ERI1: variants seen among roughly 807,000 people sequenced by gnomAD.
ERI1 encodes exoribonuclease 1, also known as 3'-5' exoribonuclease 1.
Under a neutral mutation model 39.7 loss-of-function variants are expected in ERI1, and 39 were observed. The observed-to-expected ratio is 0.98, with a 90% CI of 0.76 to 1.28. ERI1 has a LOEUF of 1.28. ERI1 is among the 50% of genes most tolerant of loss of function. The pLI is 0.00. For synonymous variants in ERI1, 204 were observed against 149.6 expected (o/e 1.36, Z -2.65); for missense variants, 581 against 416.9 (o/e 1.39, Z -3.43).
In ERI1 at chr8:9,029,494, A is replaced by G. The variant is rs997729438; in HGVS notation, c.808-298A>G. On this transcript the variant is annotated intron_variant, in intron 6 of 6. Transcript: ENST00000250263. Reference sequence around the variant, plus strand: ...CAGATGTGCACCACCACGCCTGGCTAATTTTTTTGTATTTTAAGAAGAGAT... The same window carrying G: ...CAGATGTGCACCACCACGCCTGGCTGATTTTTTTGTATTTTAAGAAGAGAT... Among the ~76,000 whole-genome samples the G allele has an allele frequency of 5.3e-5, 8 of 151,890 alleles. 1 individual carries two copies.
chr8:9,003,600 C>A (rs767026072), intron 1 of ERI1, among the ~76,000 whole-genome samples: 56 of 152,228 alleles, frequency 3.7e-4, no homozygotes, highest in South Asian at 1.2e-3. Flanking sequence ...CACTCACCAG[C>A]ATCCCTGTCT....
chr8:9,035,300 C>A (rs55634245), downstream of ERI1, among the ~76,000 whole-genome samples: 2 of 152,128 alleles, frequency 1.3e-5, no homozygotes, highest in African/African-American at 4.8e-5. Context: ...AAGATAACAT[C>A]TAGGACTTTG....
intron 2 of ERI1, among the ~76,000 whole-genome samples, chr8:9,010,633 T>C (rs1261842917): frequency 3.3e-5 from 5 of 151,806 alleles, no homozygotes; most frequent in Admixed American, 6.5e-5. Context: ...ACATTAATTA[T>C]AATTTAGATC....
chr8:9,004,684 CTTT>C (rs1279162284), intron 1 of ERI1, among the ~76,000 whole-genome samples: 10 of 126,796 alleles, frequency 7.9e-5, no homozygotes, highest in Non-Finnish European at 1.3e-4. Flanking sequence ...AGTAATGATA[CTTT>C]TTTTTTTTTT....
chr8:9,084,631 C>T (rs190370819), intron 3 of ERI1, among the ~76,000 whole-genome samples: 38 of 152,262 alleles, frequency 2.5e-4, no homozygotes, highest in Non-Finnish European at 4.9e-4. Context: ...TGGGTGCATG[C>T]CATCAGGTCA....
chr8:9,008,554 T>C (rs560297004), intron 2 of ERI1, among the ~76,000 whole-genome samples: 7 of 152,286 alleles, frequency 4.6e-5, no homozygotes, highest in Middle Eastern at 3.4e-3. Context: ...ATTAAAAACA[T>C]TCACTTAACA....
At chr8:9,035,683 T>C (rs1797820936), downstream of ERI1, among the ~76,000 whole-genome samples, 1 of 152,246 alleles carries the variant, frequency 6.6e-6, no homozygotes, top group Admixed American at 6.5e-5. Context: ...ACAATATCCA[T>C]TCCACAGCCC....
At position 9,016,344 on chromosome 8, in the gene ERI1, TAA is replaced by T; in HGVS notation, c.522_523del (p.Arg175ThrfsTer4). On this transcript the variant is annotated frameshift_variant, in exon 4 of 7. Coordinates refer to ENST00000250263, the MANE Select transcript of ERI1 (RefSeq NM_153332.4). LOFTEE classifies it high-confidence loss of function. ...CAGGAAGACACGTTTCAGCAGTATG[TAA>T]GACCAGAGATTAACACACAGCTGTC... The T allele has an allele frequency of 6.2e-7, 1 of 1,606,722 alleles. No individual in the cohort carries two copies. The highest frequency in any genetic ancestry group is 8.5e-7 in the Non-Finnish European group (1 of 1,176,312).
chr8:9,080,369 G>A (rs1052489678), intron 3 of ERI1, among the ~76,000 whole-genome samples: 7 of 152,174 alleles, frequency 4.6e-5, no homozygotes, highest in African/African-American at 1.7e-4. Flanking sequence ...GTGATGTCCT[G>A]ACAGGATGGC....
downstream of ERI1, among the ~76,000 whole-genome samples, chr8:9,037,894 A>G (rs1438100489): frequency 1.4e-5 from 2 of 144,378 alleles, no homozygotes; most frequent in Non-Finnish European, 3.0e-5. Context: ...GCTGATTTAA[A>G]AAAAAAAAAA....
intron 3 of ERI1, among the ~76,000 whole-genome samples, chr8:9,050,029 G>C (rs191528072): frequency 6.6e-6 from 1 of 152,050 alleles, no homozygotes; most frequent in East Asian, 1.9e-4. Context: ...TGTTACCTTG[G>C]TAAATTAACC....
At chr8:9,022,287 T>A (rs1817993937) in intron 6 of ERI1, among the ~76,000 whole-genome samples, 1 of 152,314 alleles carries the variant, frequency 6.6e-6, no homozygotes, top group Non-Finnish European at 1.5e-5. Context: ...TTAAAAAAAA[T>A]TGGGTAGTCT....
At chr8:9,033,680 G>T (rs1167535112), downstream of ERI1, among the ~76,000 whole-genome samples, 1 of 152,190 alleles carries the variant, frequency 6.6e-6, no homozygotes, top group Non-Finnish European at 1.5e-5. Context: ...TTTACAGATG[G>T]GAAAGTTGAG....
chr8:9,089,094 G>T (rs990209989), intron 3 of ERI1, among the ~76,000 whole-genome samples: 1 of 152,156 alleles, frequency 6.6e-6, no homozygotes, highest in Non-Finnish European at 1.5e-5. Context: ...CTAAGGCTCG[G>T]TTTCCTCAAA....
At position 9,029,798 on chromosome 8, in the gene ERI1, A is replaced by G. The variant is rs956232445; in HGVS notation, c.814A>G (p.Arg272Gly). 1.2e-6 allele frequency: 2 copies of G among 1,614,074 alleles called. No individual in the cohort carries two copies. The highest frequency in any genetic ancestry group is 2.7e-5 in the African/African-American group (2 of 74,934). Residue 272 changes from arginine (R) to glycine (G), a missense_variant, in exon 7 of 7, where the codon AGA (arginine) becomes GGA (glycine). Arg to Gly is a moderately radical substitution (Grantham distance 125). Coordinates refer to ENST00000250263, the MANE Select transcript of ERI1 (RefSeq NM_153332.4). ...KSYGNFYKVP[R>G]SQTKLTIMLE... ...TAAGCTGTTTATTTTTCAGGTTCCT[A>G]GAAGCCAAACCAAACTGACAATAAT...
intron 3 of ERI1, 58 bp from the exon 4 acceptor site, chr8:9,016,264 A>G: frequency 9.5e-7 from 1 of 1,057,582 alleles, no homozygotes; most frequent in Non-Finnish European, 1.4e-6. Context: ...GTCGTGTATC[A>G]TGTATCGTGT....
intron 6 of ERI1, among the ~76,000 whole-genome samples, chr8:9,024,402 T>G (rs1002412765): frequency 6.6e-6 from 1 of 151,358 alleles, no homozygotes; most frequent in Non-Finnish European, 1.5e-5. Context: ...TTTCTCTTCT[T>G]TTTTCTCTTT....
chr8:9,042,441 A>G (rs1262456998), intron 3 of ERI1, among the ~76,000 whole-genome samples: 2 of 152,120 alleles, frequency 1.3e-5, no homozygotes, highest in African/African-American at 4.8e-5. Context: ...TTATTTCCTC[A>G]ACTGCTACGC....
Position 9,009,224 on chromosome 8 carries a change from T to C in ERI1, c.287+1076T>C, listed in dbSNP as rs557893520. ...GAAGTTATAAAGGTAAATACAGATA[T>C]GTTCCCCACTTTGGCAATCTCAGTC... On this transcript the variant is annotated intron_variant, in intron 2 of 6. Transcript: ENST00000250263. 8.2e-5 allele frequency: 29 copies of C among 352,100 alleles called. 1 individual carries two copies. Among genetic ancestry groups the C allele is most frequent in the African/African-American group, 2.1e-4 (10 of 46,540 alleles). 21.8% of individuals were successfully genotyped at this position (352,100 alleles called of 1,614,324 possible).
Sources: allele counts gnomAD v4.1 joint callset (sites outside exome capture counted in the v4.1 genomes callset), GRCh38; gene constraint gnomAD v4.1.1; transcripts MANE v1.5; gene names NCBI Gene and HGNC (gene_info 2026-07-23, HGNC 2026-07-21).